Variants in PCDH15 observed in about 807,000 individuals in gnomAD.
PCDH15 encodes the protein protocadherin-15.
A neutral mutation model predicts 178.5 loss-of-function variants in PCDH15; 129 were observed. The ratio of observed to expected loss-of-function variants is 0.72; its 90% CI spans 0.63 to 0.84. The LOEUF is 0.84. Ranked by LOEUF, PCDH15 falls within the 40% of genes least tolerant of loss-of-function variation. The probability of loss-of-function intolerance (pLI) is 0.00; values close to 1 mark genes in which losing one functional copy is unlikely to be tolerated. For missense variants in PCDH15, 2,230 were observed against 2,099.9 expected (o/e 1.06, Z -1.21); for synonymous variants, 800 against 732.0 (o/e 1.09, Z -1.50).
At chr10:53,982,586 C>T (rs1250186964) in intron 21 of PCDH15, among the ~76,000 whole-genome samples, 2 of 146,974 alleles carry the variant, frequency 1.4e-5, no homozygotes, top group African/African-American at 2.5e-5. Context: ...AACCAAACAC[C>T]GCATGTTCTC....
At chr10:54,439,748 A>T (rs1355326059) in intron 3 of PCDH15, among the ~76,000 whole-genome samples, 1 of 152,030 alleles carries the variant, frequency 6.6e-6, no homozygotes, top group Non-Finnish European at 1.5e-5. Flanking sequence ...TAAGTTATTC[A>T]CTGAGATTGA....
intron 8 of PCDH15, among the ~76,000 whole-genome samples, chr10:54,268,615 A>G (rs2057847817): frequency 6.6e-6 from 1 of 151,962 alleles, no homozygotes; most frequent in Non-Finnish European, 1.5e-5. Context: ...TTGCAGTAAC[A>G]TGGATGTGCC....
At chr10:55,376,297 TC>T (rs1837393035) in intron 2 of PCDH15, among the ~76,000 whole-genome samples, 1 of 152,094 alleles carries the variant, frequency 6.6e-6, no homozygotes, top group South Asian at 2.1e-4. Context: ...AGTTAGGTTA[TC>T]CCACAGGATT....
chr10:54,631,951 C>T (rs1052672655), intron 2 of PCDH15, among the ~76,000 whole-genome samples: 1 of 152,046 alleles, frequency 6.6e-6, no homozygotes, highest in Non-Finnish European at 1.5e-5. Flanking sequence ...TCCCTTGACA[C>T]GTGGGGATTA....
At chr10:54,299,087 G>C (rs893254126) in intron 8 of PCDH15, among the ~76,000 whole-genome samples, 5 of 152,148 alleles carry the variant, frequency 3.3e-5, no homozygotes, top group African/African-American at 1.2e-4. Context: ...AGGGGAAGGA[G>C]AGGGGAGAAC....
chr10:55,465,421 G>A (rs1839811660), intron 2 of PCDH15, among the ~76,000 whole-genome samples: 1 of 152,102 alleles, frequency 6.6e-6, no homozygotes, highest in African/African-American at 2.4e-5. Context: ...AGAGAGTACT[G>A]GTGTGTACTG....
chr10:55,071,673 C>T (rs1841750509), intron 2 of PCDH15, among the ~76,000 whole-genome samples: 2 of 152,108 alleles, frequency 1.3e-5, no homozygotes, highest in Admixed American at 1.3e-4. Flanking sequence ...CCACTGTCAA[C>T]ATTAGACAGA....
intron 2 of PCDH15, among the ~76,000 whole-genome samples, chr10:54,981,297 CT>C (rs1239546410): frequency 6.6e-6 from 1 of 152,128 alleles, no homozygotes; most frequent in Admixed American, 6.6e-5. Flanking sequence ...TCCTTTTGTC[CT>C]TGCCATACCA....
chr10:55,456,733 G>A (rs1317609012), intron 2 of PCDH15, among the ~76,000 whole-genome samples: 2 of 151,894 alleles, frequency 1.3e-5, no homozygotes, highest in African/African-American at 4.8e-5. Context: ...GCCAATGAGA[G>A]TCTAAATTGA....
At chr10:55,098,423 A>T (rs1412392760) in intron 2 of PCDH15, among the ~76,000 whole-genome samples, 1 of 152,102 alleles carries the variant, frequency 6.6e-6, no homozygotes, top group Non-Finnish European at 1.5e-5. Flanking sequence ...CCCCCAAATA[A>T]TTTTCTCTTC....
At chr10:54,513,470 C>T (rs1203359632) in intron 3 of PCDH15, among the ~76,000 whole-genome samples, 1 of 151,850 alleles carries the variant, frequency 6.6e-6, no homozygotes, top group African/African-American at 2.4e-5. Flanking sequence ...CACAAACACA[C>T]CAGTATTCCC....
intron 2 of PCDH15, among the ~76,000 whole-genome samples, chr10:54,571,471 T>G (rs576553588): frequency 6.6e-6 from 1 of 152,002 alleles, no homozygotes; most frequent in East Asian, 1.9e-4. Flanking sequence ...ATGCAGAAAA[T>G]TAATATATTA....
intron 1 of PCDH15, among the ~76,000 whole-genome samples, chr10:54,709,025 A>C (rs2132328883): frequency 6.6e-6 from 1 of 152,256 alleles, no homozygotes; most frequent in Middle Eastern, 3.4e-3. Flanking sequence ...AGTTTTAGGG[A>C]AGAATAATTC....
chr10:55,394,786 G>A (rs978040922), intron 2 of PCDH15, among the ~76,000 whole-genome samples: 2 of 151,832 alleles, frequency 1.3e-5, no homozygotes, highest in African/African-American at 4.8e-5. Context: ...GATTGTGTTT[G>A]GATATATTAT....
intron 1 of PCDH15, among the ~76,000 whole-genome samples, chr10:55,208,878 A>G (rs1252646956): frequency 6.6e-6 from 1 of 152,112 alleles, no homozygotes; most frequent in Non-Finnish European, 1.5e-5. Flanking sequence ...GAAACAACAT[A>G]CATGCTCCCT....
intron 2 of PCDH15, among the ~76,000 whole-genome samples, chr10:55,345,463 C>T (rs1844728212): frequency 6.6e-6 from 1 of 152,018 alleles, no homozygotes; most frequent in Non-Finnish European, 1.5e-5. Flanking sequence ...TATAGCACCA[C>T]TTCAAAGCCC....
intron 3 of PCDH15, among the ~76,000 whole-genome samples, chr10:54,384,532 T>A (rs2135177448): frequency 6.6e-6 from 1 of 152,268 alleles, no homozygotes; most frequent in Admixed American, 6.5e-5. Flanking sequence ...AAGAATTGAT[T>A]AAGTGTCTTA....
chr10:55,013,838 A>T (rs999092903), intron 2 of PCDH15, among the ~76,000 whole-genome samples: 25 of 152,124 alleles, frequency 1.6e-4, no homozygotes, highest in Non-Finnish European at 3.4e-4. Flanking sequence ...GAATATGCAA[A>T]TGAATAAGAA....
chr10:55,291,176 C>G (rs1842997806), intron 1 of PCDH15, among the ~76,000 whole-genome samples: 1 of 152,118 alleles, frequency 6.6e-6, no homozygotes, highest in African/African-American at 2.4e-5. Context: ...CAACAGTTCC[C>G]CAAAGTCTTA....
Sources: allele counts gnomAD v4.1 joint callset (sites outside exome capture counted in the v4.1 genomes callset), GRCh38; gene constraint gnomAD v4.1.1; transcripts MANE v1.5; gene names NCBI Gene and HGNC (gene_info 2026-07-23, HGNC 2026-07-21).